The following EFCAB11 variants were observed in gnomAD, a reference collection of about 807,000 sequenced individuals.
EFCAB11 encodes the protein EF-hand calcium-binding domain-containing protein 11.
In EFCAB11, 14 loss-of-function variants were observed where a neutral mutation model predicts 23.0. The observed-to-expected ratio is 0.61, with a 90% CI of 0.40 to 0.95. The LOEUF (loss-of-function observed/expected upper bound fraction) is 0.95, where lower values mean the gene tolerates loss of function less well. Ranked by LOEUF, EFCAB11 falls within the 40% of genes least tolerant of loss-of-function variation. The pLI, the probability that EFCAB11 is intolerant of heterozygous loss-of-function variation, is 0.00. For synonymous variants in EFCAB11, 65 were observed against 66.6 expected (o/e 0.98, Z 0.11); for missense variants, 198 against 195.8 (o/e 1.01, Z -0.07).
chr14:89,852,820 G>A (rs1887637264), intron 5 of EFCAB11, among the ~76,000 whole-genome samples: 1 of 152,060 alleles, frequency 6.6e-6, no homozygotes, highest in African/African-American at 2.4e-5. Context: ...CAGTCACATT[G>A]CTGTGCAACC....
chr14:89,850,482 C>T (rs1316121970), intron 5 of EFCAB11, among the ~76,000 whole-genome samples: 4 of 152,182 alleles, frequency 2.6e-5, no homozygotes, highest in African/African-American at 9.7e-5. Flanking sequence ...CCAGGAGGGA[C>T]ATTTTAAAGG....
intron 5 of EFCAB11, among the ~76,000 whole-genome samples, chr14:89,798,584 C>A (rs1348541758): frequency 1.3e-5 from 2 of 152,272 alleles, no homozygotes; most frequent in African/African-American, 2.4e-5. Flanking sequence ...TTTCTTTCCA[C>A]TCTGAACTGG....
intron 5 of EFCAB11, among the ~76,000 whole-genome samples, chr14:89,880,626 A>G (rs1459123691): frequency 6.6e-6 from 1 of 152,214 alleles, no homozygotes; most frequent in African/African-American, 2.4e-5. Context: ...AATAAAATAG[A>G]AAAAATAAAT....
Position 89,891,383 on chromosome 14 carries a change from A to G in EFCAB11, c.410+40158T>C, listed in dbSNP as rs571838320. ...ACAGAGGATTTTAATAAATGTTTAT[A>G]ACCTTTTAATACCTTTGTACTTTTA... On this transcript the variant is annotated intron_variant, in intron 5 of 5. Coordinates refer to ENST00000316738, the MANE Select transcript of EFCAB11 (RefSeq NM_145231.4). 5.9e-5 allele frequency among the ~76,000 whole-genome samples: 9 copies of G among 152,344 alleles called. 1 individual carries two copies. In the South Asian group the frequency reaches 1.9e-3, roughly 32 times the overall value.
chr14:89,870,644 A>C (rs899416949), intron 5 of EFCAB11, among the ~76,000 whole-genome samples: 1 of 152,052 alleles, frequency 6.6e-6, no homozygotes, highest in Admixed American at 6.6e-5. Flanking sequence ...CAAGATTACC[A>C]TAGCTGGCTG....
chr14:89,862,162 T>C (rs1887944806), intron 5 of EFCAB11, among the ~76,000 whole-genome samples: 1 of 152,218 alleles, frequency 6.6e-6, no homozygotes, highest in African/African-American at 2.4e-5. Context: ...AAATGTTTGC[T>C]AAATTGAATT....
At chr14:89,835,865 T>C (rs1887063160) in intron 5 of EFCAB11, among the ~76,000 whole-genome samples, 2 of 151,452 alleles carry the variant, frequency 1.3e-5, no homozygotes. Flanking sequence ...TGACCTCAGA[T>C]GATCTACCTG....
intron 5 of EFCAB11, among the ~76,000 whole-genome samples, chr14:89,877,945 C>T (rs918778686): frequency 1.3e-5 from 2 of 152,200 alleles, no homozygotes; most frequent in African/African-American, 2.4e-5. Context: ...TAAGTAATGA[C>T]ATGTAAGTCC....
chr14:89,827,725 C>A (rs1443618488), intron 5 of EFCAB11, among the ~76,000 whole-genome samples: 1 of 151,268 alleles, frequency 6.6e-6, no homozygotes, highest in Non-Finnish European at 1.5e-5. Flanking sequence ...CCTCCGCCTC[C>A]CGGGTTCAAG....
At chr14:89,900,358 G>A (rs1457240431) in intron 5 of EFCAB11, among the ~76,000 whole-genome samples, 4 of 152,114 alleles carry the variant, frequency 2.6e-5, no homozygotes, top group Non-Finnish European at 1.5e-5. Flanking sequence ...ATCAGGCAGG[G>A]CTACCCAGGG....
At chr14:89,940,256 T>C (rs1890744662) in intron 3 of EFCAB11, among the ~76,000 whole-genome samples, 1 of 152,198 alleles carries the variant, frequency 6.6e-6, no homozygotes, top group South Asian at 2.1e-4. Flanking sequence ...AGAAAAGAAC[T>C]AAGAAGCCAA....
At chr14:89,823,152 G>A (rs551311660) in intron 5 of EFCAB11, among the ~76,000 whole-genome samples, 22 of 152,264 alleles carry the variant, frequency 1.4e-4, no homozygotes, top group African/African-American at 4.6e-4. Flanking sequence ...AGAGGAGGTC[G>A]AAGAGACTCA....
intron 5 of EFCAB11, among the ~76,000 whole-genome samples, chr14:89,894,800 C>G (rs184897195): frequency 1.3e-3 from 191 of 152,104 alleles, no homozygotes; most frequent in African/African-American, 4.5e-3. Context: ...GATTAACATA[C>G]AAAAAGCAAT....
At chr14:89,808,694 A>G (rs776452890) in intron 5 of EFCAB11, among the ~76,000 whole-genome samples, 26 of 152,232 alleles carry the variant, frequency 1.7e-4, no homozygotes, top group Non-Finnish European at 3.2e-4. Context: ...AAAATGAATA[A>G]CATTTGATAA....
At chr14:89,857,958 C>T (rs1887806281) in intron 5 of EFCAB11, among the ~76,000 whole-genome samples, 1 of 152,122 alleles carries the variant, frequency 6.6e-6, no homozygotes, top group Non-Finnish European at 1.5e-5. Flanking sequence ...GGAGAAGAAA[C>T]TACATAAATA....
intron 5 of EFCAB11, among the ~76,000 whole-genome samples, chr14:89,855,541 T>C (rs1596403750): frequency 1.3e-5 from 2 of 152,174 alleles, no homozygotes; most frequent in East Asian, 3.9e-4. Flanking sequence ...ATGGGATACA[T>C]ACCGATAGGA....
At chr14:89,846,858 A>G (rs1448196420) in intron 5 of EFCAB11, among the ~76,000 whole-genome samples, 1 of 152,110 alleles carries the variant, frequency 6.6e-6, no homozygotes, top group Non-Finnish European at 1.5e-5. Context: ...AAAAAGCCCA[A>G]TCCTGACGTC....
At chr14:89,824,306 G>A (rs1275548736) in intron 5 of EFCAB11, among the ~76,000 whole-genome samples, 1 of 152,048 alleles carries the variant, frequency 6.6e-6, no homozygotes, top group African/African-American at 2.4e-5. Flanking sequence ...CAAAACAAAA[G>A]TAAAATAGAA....
chr14:89,878,856 CAT>C (rs1888519487), intron 5 of EFCAB11, among the ~76,000 whole-genome samples: 1 of 150,976 alleles, frequency 6.6e-6, no homozygotes, highest in Non-Finnish European at 1.5e-5. Context: ...TTACAAGACA[CAT>C]GTCTCTTCTT....
Sources: allele counts gnomAD v4.1 joint callset (sites outside exome capture counted in the v4.1 genomes callset), GRCh38; gene constraint gnomAD v4.1.1; transcripts MANE v1.5; gene names NCBI Gene and HGNC (gene_info 2026-07-23, HGNC 2026-07-21).